The following SCARA3 variants were observed in gnomAD, a reference collection of about 807,000 sequenced individuals.
The protein encoded by SCARA3 is scavenger receptor class A member 3.
A neutral mutation model predicts 47.0 loss-of-function variants in SCARA3; 39 were observed. The observed-to-expected ratio is 0.83, with a 90% confidence interval of 0.64 to 1.08. The LOEUF is 1.08. SCARA3 is among the 50% of genes least tolerant of loss of function. The pLI is 0.00. For synonymous variants in SCARA3, 356 were observed against 334.1 expected, an observed-to-expected ratio of 1.07 and a Z score of -0.71; for missense variants, 724 against 792.3, an observed-to-expected ratio of 0.91 and a Z score of 1.04.
chr8:27,669,478 C>T (rs1159732823), intron 5 of SCARA3, among the ~76,000 whole-genome samples: 5 of 152,228 alleles, frequency 3.3e-5, no homozygotes, highest in Non-Finnish European at 2.9e-5. Flanking sequence ...CCCTGGCACT[C>T]TGGCTGCTGA....
At chr8:27,649,277 G>A (rs1233221424) in intron 1 of SCARA3, among the ~76,000 whole-genome samples, 1 of 152,208 alleles carries the variant, frequency 6.6e-6, no homozygotes, top group East Asian at 1.9e-4. Context: ...GAGTCTTGGT[G>A]GGGACTATGC....
At position 27,672,847 on chromosome 8, in the gene SCARA3, C is replaced by T. The variant is rs966586219; in HGVS notation, c.*1496C>T. On this transcript the variant is annotated 3_prime_UTR_variant, in exon 6 of 6. Transcript: ENST00000301904. ...GCATAGAGTTGTCTCCTTCCCAACACGGACCCAGAGAGCAGCCCTTCCCTG... is the reference window on the plus strand; with the variant it reads ...GCATAGAGTTGTCTCCTTCCCAACATGGACCCAGAGAGCAGCCCTTCCCTG... 4.1e-6 allele frequency: 4 copies of T among 985,542 alleles called. No individual in the cohort carries two copies. Among genetic ancestry groups the T allele is most frequent in the African/African-American group, 3.5e-5 (2 of 57,252 alleles). The allele number at this position is 985,542 out of a possible 1,614,324, so 61.0% of individuals were successfully genotyped here.
Position 27,671,357 on chromosome 8 carries a change from G to T in SCARA3, c.*6G>T, listed in dbSNP as rs1353094407. On this transcript the variant is annotated 3_prime_UTR_variant, in exon 6 of 6. Coordinates refer to ENST00000301904, the MANE Select transcript of SCARA3 (RefSeq NM_016240.3). ...GAAGCCAGAGCTTCTACTGAGGAGG[G>T]CTGTGGCAGAGCCACTGTCACACAG... is the stretch of plus-strand genomic sequence containing the variant. 2.1e-6 allele frequency: 3 copies of T among 1,410,302 alleles called. No homozygotes were observed. The highest frequency in any genetic ancestry group is 2.8e-6 in the Non-Finnish European group (3 of 1,085,308). 87.4% of individuals were successfully genotyped at this position (1,410,302 alleles called of 1,614,324 possible). A position where few individuals can be genotyped will look rare whatever the true frequency, so the allele number is the denominator to read the frequency against.
intron 1 of SCARA3, among the ~76,000 whole-genome samples, chr8:27,649,116 A>G (rs1272113596): frequency 6.6e-6 from 1 of 152,200 alleles, no homozygotes; most frequent in East Asian, 1.9e-4. Context: ...CCAGAGAATA[A>G]GCACCGAATC....
At chr8:27,645,823 C>T (rs1334895674) in intron 1 of SCARA3, among the ~76,000 whole-genome samples, 1 of 152,198 alleles carries the variant, frequency 6.6e-6, no homozygotes, top group Non-Finnish European at 1.5e-5. Flanking sequence ...CTACGGATGC[C>T]TGCCTAATCA....
At position 27,672,499 on chromosome 8, in the gene SCARA3, C is replaced by T. The variant is rs190554713; in HGVS notation, c.*1148C>T. Reference sequence around the variant, plus strand: ...CTGCAGAAGGGCCAACCCCTTGCAACAGGGCAGCTCTCGCCTCCCGCACAC... The same window carrying T: ...CTGCAGAAGGGCCAACCCCTTGCAATAGGGCAGCTCTCGCCTCCCGCACAC... On this transcript the variant is annotated 3_prime_UTR_variant, in exon 6 of 6. Transcript: ENST00000301904. The T allele has an allele frequency of 9.3e-5, 92 of 985,636 alleles. No homozygotes were observed. The highest frequency in any genetic ancestry group is 5.8e-5 in the Non-Finnish European group (48 of 830,080). 61.1% of individuals were successfully genotyped at this position (985,636 alleles called of 1,614,324 possible).
intron 1 of SCARA3, among the ~76,000 whole-genome samples, chr8:27,648,472 C>T (rs525436): frequency 0.18 from 27,992 of 151,900 alleles, 3,178 homozygotes; most frequent in Middle Eastern, 0.33. Flanking sequence ...GGCGTGGTGG[C>T]GGGCACCTGT....
chr8:27,677,670 A>G (rs917093751), downstream of SCARA3, among the ~76,000 whole-genome samples: 1 of 152,242 alleles, frequency 6.6e-6, no homozygotes, highest in Non-Finnish European at 1.5e-5. Context: ...GTAAGGATAT[A>G]GAAGACTTGA....
chr8:27,679,503 G>T (rs115036969), downstream of SCARA3, among the ~76,000 whole-genome samples: 922 of 152,198 alleles, frequency 6.1e-3, 21 homozygotes, highest in African/African-American at 0.021. Context: ...AGTTTTTAGA[G>T]CAACCTGTAT....
At chr8:27,643,898 C>T (rs774699918) in intron 1 of SCARA3, among the ~76,000 whole-genome samples, 3 of 152,108 alleles carry the variant, frequency 2.0e-5, no homozygotes, top group Non-Finnish European at 2.9e-5. Context: ...AAAAGAAAGC[C>T]GGCATTGGTG....
the SCARA3 span, among the ~76,000 whole-genome samples, chr8:27,696,492 G>A: frequency 6.6e-6 from 1 of 151,496 alleles, no homozygotes; most frequent in African/African-American, 2.4e-5. Context: ...GTCTCACTCT[G>A]TCACCCAGGC....
chr8:27,715,864 A>AGATG, the SCARA3 span, among the ~76,000 whole-genome samples: 55 of 91,246 alleles, frequency 6.0e-4, no homozygotes, highest in African/African-American at 2.5e-3. This position sits in a 1 kb window ranked among gnomAD's most constrained non-coding sequence, Gnocchi z 4.2. Context: ...ATAGATAGAT[A>AGATG]CATAGATAGA....
the SCARA3 span, among the ~76,000 whole-genome samples, chr8:27,685,951 G>T: frequency 6.6e-6 from 1 of 152,144 alleles, no homozygotes; most frequent in East Asian, 1.9e-4. Context: ...TACAGAGGAT[G>T]TTAAAGATTA....
intron 5 of SCARA3, among the ~76,000 whole-genome samples, chr8:27,662,814 T>A (rs1377939530): frequency 6.6e-6 from 1 of 152,208 alleles, no homozygotes; most frequent in Non-Finnish European, 1.5e-5. Context: ...CCTCCATACC[T>A]GCCACCATGC....
chr8:27,698,950 A>G, the SCARA3 span, among the ~76,000 whole-genome samples: 2 of 152,140 alleles, frequency 1.3e-5, no homozygotes, highest in South Asian at 4.1e-4. Flanking sequence ...ACTCACATTA[A>G]TAAGACGTTC....
chr8:27,693,871 A>G, the SCARA3 span, among the ~76,000 whole-genome samples: 1 of 152,174 alleles, frequency 6.6e-6, no homozygotes, highest in Non-Finnish European at 1.5e-5. Context: ...TCTACCTATG[A>G]CCTGGAAGCC....
intron 5 of SCARA3, among the ~76,000 whole-genome samples, chr8:27,668,747 G>A (rs1018587929): frequency 1.3e-5 from 2 of 152,126 alleles, no homozygotes; most frequent in African/African-American, 4.8e-5. Flanking sequence ...GCGCCTGTTG[G>A]AGGATCATTT....
intron 5 of SCARA3, 29 bp from the exon 6 acceptor site, chr8:27,670,871 G>A: frequency 6.6e-7 from 1 of 1,507,302 alleles, no homozygotes; most frequent in South Asian, 1.3e-5. Context: ...CTGACAGACT[G>A]ACCTCTCCCA....
intron 4 of SCARA3, among the ~76,000 whole-genome samples, chr8:27,657,586 G>A (rs1326602016): frequency 1.4e-5 from 2 of 143,630 alleles, no homozygotes. Flanking sequence ...TGTCACCCAG[G>A]CTGGAGTGCA....
Sources: allele counts gnomAD v4.1 joint callset (sites outside exome capture counted in the v4.1 genomes callset), GRCh38; gene constraint gnomAD v4.1.1; non-coding constraint Gnocchi (gnomAD v3.1); transcripts MANE v1.5; gene names NCBI Gene and HGNC (gene_info 2026-07-23, HGNC 2026-07-21).